Variants in PRDM5 observed in about 807,000 individuals in gnomAD.
PRDM5 encodes PR/SET domain 5.
PRDM5 carries 56 observed loss-of-function variants against 81.2 expected under a neutral mutation model. That is an observed-to-expected ratio of 0.69 (90% CI 0.56 to 0.86). The LOEUF (loss-of-function observed/expected upper bound fraction) is 0.86, where lower values mean the gene tolerates loss of function less well. Among genes scored for constraint, PRDM5 ranks in the 40% least tolerant of loss-of-function variants. The pLI, the probability that PRDM5 is intolerant of heterozygous loss-of-function variation, is 0.00. For synonymous variants in PRDM5, 267 were observed against 256.4 expected, an observed-to-expected ratio of 1.04 and a Z score of -0.39; for missense variants, 697 against 770.1, an observed-to-expected ratio of 0.91 and a Z score of 1.12.
chr4:120,744,364 A>C (rs1742631690), intron 14 of PRDM5, among the ~76,000 whole-genome samples: 1 of 152,162 alleles, frequency 6.6e-6, no homozygotes, highest in African/African-American at 2.4e-5. Context: ...CATCACAATT[A>C]AAAGAACTAG....
At chr4:120,711,218 T>A (rs1412545476) in intron 14 of PRDM5, among the ~76,000 whole-genome samples, 1 of 152,210 alleles carries the variant, frequency 6.6e-6, no homozygotes, top group African/African-American at 2.4e-5. Context: ...TAAGAGGAAT[T>A]CCTAGAAATA....
At chr4:120,738,629 T>A (rs1741458536) in intron 14 of PRDM5, among the ~76,000 whole-genome samples, 1 of 152,184 alleles carries the variant, frequency 6.6e-6, no homozygotes, top group Admixed American at 6.5e-5. Context: ...ATGTGTATTT[T>A]CCAAAAACAA....
At chr4:120,818,565 A>C in intron 4 of PRDM5, 38 bp from the exon 5 acceptor site, 1 of 1,562,882 alleles carries the variant, frequency 6.4e-7, no homozygotes, top group South Asian at 1.1e-5. Flanking sequence ...TGAGACAAAA[A>C]TTCAGAGCCA....
rs1187436680 is a variant in PRDM5 at position 120,710,391 on chromosome 4, T to G, written c.1646A>C (p.Glu549Ala). 6.2e-7 allele frequency: 1 copy of G among 1,614,034 alleles called. No individual in the cohort carries two copies. Among genetic ancestry groups the G allele is most frequent in the Non-Finnish European group, 8.5e-7 (1 of 1,180,038 alleles). The change falls in exon 15 of 16, where the codon GAG (glutamate) becomes GCG (alanine). Residue 549 changes from glutamate to alanine, a missense_variant. This residue lies in a region of PRDM5 where 86 missense variants were observed against 135.2 expected (regional missense o/e 0.64). Coordinates refer to ENST00000264808, the MANE Select transcript of PRDM5 (RefSeq NM_018699.4). ...CTTCTGGCTGAAGGCCTTGCTGCAC[T>G]CTGAGCACTTGTACGGCTTCTCCTG... ...HTREKPYKCS[E>A]CSKAFSQKRG...
intron 15 of PRDM5, among the ~76,000 whole-genome samples, chr4:120,701,083 C>T (rs1735274563): frequency 1.3e-5 from 2 of 151,900 alleles, no homozygotes; most frequent in Non-Finnish European, 1.5e-5. Flanking sequence ...CAAGATTGTG[C>T]CACTGAACTC....
intron 2 of PRDM5, among the ~76,000 whole-genome samples, chr4:120,864,907 CA>C (rs1046095208): frequency 1.1e-4 from 17 of 152,244 alleles, no homozygotes; most frequent in African/African-American, 3.4e-4. Flanking sequence ...AGAATTCTGC[CA>C]AAAGGCTCAT....
intron 7 of PRDM5, among the ~76,000 whole-genome samples, chr4:120,812,007 A>C (rs937179367): frequency 6.6e-6 from 1 of 152,042 alleles, no homozygotes; most frequent in African/African-American, 2.4e-5. Flanking sequence ...TAACTATCCC[A>C]TTTTATTCAC....
At position 120,780,066 on chromosome 4, in the gene PRDM5, AAGAT is replaced by A. The variant is rs147992893; in HGVS notation, c.1443+1073_1443+1076del. ...TGAAACAGTTGTATTAAGGACAGAT[AAGAT>A]AGATAGATACTGAAACAGGAGTTAT... On this transcript the variant is annotated intron_variant, in intron 12 of 15. Coordinates refer to ENST00000264808, the MANE Select transcript of PRDM5 (RefSeq NM_018699.4). 4.6e-4 allele frequency among the ~76,000 whole-genome samples: 70 copies of A among 152,218 alleles called. 1 individual carries two copies. The East Asian group carries it at 0.011, about 25-fold the overall frequency.
At chr4:120,911,071 C>A (rs1766448264) in intron 1 of PRDM5, among the ~76,000 whole-genome samples, 1 of 152,240 alleles carries the variant, frequency 6.6e-6, no homozygotes, top group Admixed American at 6.5e-5. Flanking sequence ...CAAACACTTA[C>A]AAGTTAGGCA....
intron 14 of PRDM5, among the ~76,000 whole-genome samples, chr4:120,728,580 G>T (rs2149078037): frequency 6.6e-6 from 1 of 152,072 alleles, no homozygotes; most frequent in South Asian, 2.1e-4. Context: ...CTTTCATTTT[G>T]CAAGGATATG....
intron 2 of PRDM5, chr4:120,896,446 G>A (rs945434780): frequency 2.0e-5 from 3 of 152,018 alleles, no homozygotes; most frequent in South Asian, 2.1e-4. Context: ...AGATAGCACA[G>A]CATCTCTTCA....
chr4:120,903,876 A>T (rs1432799755), intron 2 of PRDM5, among the ~76,000 whole-genome samples: 1 of 152,070 alleles, frequency 6.6e-6, no homozygotes, highest in Non-Finnish European at 1.5e-5. Context: ...CCCCAGCCAT[A>T]TGGAACTGTG....
intron 2 of PRDM5, among the ~76,000 whole-genome samples, chr4:120,891,739 C>T (rs1353990315): frequency 6.6e-6 from 1 of 152,202 alleles, no homozygotes; most frequent in East Asian, 1.9e-4. Context: ...AAGTAATTCT[C>T]CTGCTTCAGC....
Position 120,853,475 on chromosome 4 carries a change from C to T in PRDM5, c.243G>A (p.Trp81Ter), listed in dbSNP as rs1239539676. ...ATGGTGCCTCATGAACGAAGCGAAG[C>T]CAGTTGGAGTGCCGTGGGTTGGTAG... ...LDATNPRHSN[W>*]LRFVHEAPSQ... The change falls in exon 3 of 16, where the codon TGG (tryptophan) becomes TGA (stop). Residue 81 changes from tryptophan (W) to a stop codon, truncating the protein, a stop_gained. Coordinates refer to ENST00000264808, the MANE Select transcript of PRDM5 (RefSeq NM_018699.4). LOFTEE classifies it high-confidence loss of function. 16 of 1,613,766 alleles carry T rather than the reference C, an allele frequency of 9.9e-6. No individual in the cohort carries two copies. The highest frequency in any genetic ancestry group is 1.4e-5 in the Non-Finnish European group (16 of 1,179,756).
Position 120,840,493 on chromosome 4 carries a change from G to T in PRDM5, c.300+12925C>A, listed in dbSNP as rs115294050. Among the ~76,000 whole-genome samples the T allele has an allele frequency of 2.9e-3, 436 of 152,234 alleles. 3 individuals carry two copies. The highest frequency in any genetic ancestry group is 0.01 in the African/African-American group (417 of 41,540). ...GGAACCCAGCACCCTCAGCAGGGTG[G>T]GTACAGTGACTGCATGGCTGGCCGG... is the stretch of plus-strand genomic sequence containing the variant. On this transcript the variant is annotated intron_variant, in intron 3 of 15. Transcript: ENST00000264808.
At chr4:120,820,766 T>G (rs1340434712) in intron 4 of PRDM5, among the ~76,000 whole-genome samples, 3 of 152,238 alleles carry the variant, frequency 2.0e-5, no homozygotes, top group Non-Finnish European at 2.9e-5. Flanking sequence ...CACTCTCACC[T>G]TTTCCTATAT....
intron 13 of PRDM5, among the ~76,000 whole-genome samples, chr4:120,756,158 CTT>C (rs1744707031): frequency 6.6e-6 from 1 of 152,142 alleles, no homozygotes; most frequent in African/African-American, 2.4e-5. Flanking sequence ...AAAAGATCAT[CTT>C]ATTTTAACCC....
intron 14 of PRDM5, among the ~76,000 whole-genome samples, chr4:120,719,633 C>G (rs973973616): frequency 3.9e-5 from 6 of 151,994 alleles, no homozygotes; most frequent in Admixed American, 1.3e-4. Context: ...TACACTTACA[C>G]CTTGAATTAG....
intron 15 of PRDM5, among the ~76,000 whole-genome samples, chr4:120,708,106 G>A (rs1350498031): frequency 6.6e-6 from 1 of 152,078 alleles, no homozygotes; most frequent in Non-Finnish European, 1.5e-5. Context: ...TCCCGAAAAA[G>A]TTAAACAGAA....
Sources: gnomAD v4.1 joint callset for allele counts (sites outside exome capture counted in the v4.1 genomes callset) on GRCh38, gnomAD v4.1.1 for gene constraint, gnomAD v4.1.1 regional missense constraint, MANE v1.5 for transcripts, NCBI Gene and HGNC (gene_info 2026-07-23, HGNC 2026-07-21) for gene names.